The following TOX2 variants were observed in gnomAD, a reference collection of about 807,000 sequenced individuals.
The protein encoded by TOX2 is TOX high mobility group box family member 2.
In TOX2, 15 loss-of-function variants were observed where a neutral mutation model predicts 47.4. The ratio of observed to expected loss-of-function variants is 0.32; its 90% CI spans 0.21 to 0.49. TOX2 has a LOEUF of 0.49. TOX2 is among the 20% of genes least tolerant of loss of function. TOX2 has a pLI of 0.99. For missense variants in TOX2, 622 were observed against 673.1 expected, an observed-to-expected ratio of 0.92 and a Z score of 0.84; for synonymous variants, 290 against 296.6, an observed-to-expected ratio of 0.98 and a Z score of 0.23.
intron 3 of TOX2, among the ~76,000 whole-genome samples, chr20:44,015,101 G>A (rs112514937): frequency 3.8e-4 from 58 of 152,094 alleles, no homozygotes; most frequent in Non-Finnish European, 6.6e-4. Context: ...TTTGTCTAAC[G>A]TCCCTCTGGG....
chr20:43,942,053 C>T lies in TOX2; in HGVS notation c.99+27063C>T, dbSNP rs569702605. Among the ~76,000 whole-genome samples, 37 of 152,330 alleles carry T rather than the reference C, an allele frequency of 2.4e-4. 1 individual carries two copies. The South Asian group carries it at 7.7e-3, about 32-fold the overall frequency. Reference sequence around the variant, plus strand: ...GAAGTTGACTCCTTGCTGTGAGCCTCAACTTCCTCATCTGTAAAAGGGGAA... The same window carrying T: ...GAAGTTGACTCCTTGCTGTGAGCCTTAACTTCCTCATCTGTAAAAGGGGAA... On this transcript the variant is annotated intron_variant, in intron 1 of 8. Transcript: ENST00000341197.
chr20:44,044,422 TA>T (rs3037502), intron 3 of TOX2, among the ~76,000 whole-genome samples: 93,808 of 143,402 alleles, frequency 0.65, 30,243 homozygotes, highest in East Asian at 0.8. Flanking sequence ...ACTTAAAGCA[TA>T]AAAAAAAAAA....
At chr20:44,007,768 A>T (rs181561795) in intron 3 of TOX2, among the ~76,000 whole-genome samples, 18 of 152,210 alleles carry the variant, frequency 1.2e-4, no homozygotes, top group African/African-American at 4.1e-4. Flanking sequence ...CAAGCCCGGG[A>T]GGTCAAGGCT....
chr20:44,020,449 C>T (rs1381570935), intron 3 of TOX2, among the ~76,000 whole-genome samples: 2 of 152,092 alleles, frequency 1.3e-5, no homozygotes, highest in Admixed American at 6.5e-5. Context: ...ACATATAACC[C>T]GGAACTTAAA....
At chr20:43,975,589 T>G (rs2070061504) in intron 2 of TOX2, among the ~76,000 whole-genome samples, 1 of 152,284 alleles carries the variant, frequency 6.6e-6, no homozygotes, top group South Asian at 2.1e-4. Context: ...GTCCACTGAC[T>G]TGCCTCAGCC....
chr20:43,946,196 A>C (rs1359088075), intron 1 of TOX2, among the ~76,000 whole-genome samples: 1 of 152,232 alleles, frequency 6.6e-6, no homozygotes, highest in African/African-American at 2.4e-5. Context: ...GGAGGCCTGC[A>C]GTTGGCAGCT....
At chr20:43,983,651 T>C (rs1600707351) in intron 2 of TOX2, among the ~76,000 whole-genome samples, 1 of 152,048 alleles carries the variant, frequency 6.6e-6, no homozygotes, top group African/African-American at 2.4e-5. Flanking sequence ...TCTGAACCTG[T>C]TTCCTCATGT....
intron 2 of TOX2, among the ~76,000 whole-genome samples, chr20:43,984,030 T>C (rs2070217670): frequency 6.6e-6 from 1 of 152,236 alleles, no homozygotes; most frequent in Non-Finnish European, 1.5e-5. Flanking sequence ...AGGCTTTTAT[T>C]GCTTTAATTA....
At position 43,923,513 on chromosome 20, in the gene TOX2, C is replaced by T. The variant is rs375719855; in HGVS notation, c.99+8523C>T. Among the ~76,000 whole-genome samples, 61 of 152,114 alleles carry T rather than the reference C, an allele frequency of 4.0e-4. 3 individuals carry two copies. In the South Asian group the frequency reaches 8.1e-3, roughly 20 times the overall value. ...CTGAAAGTTAGCACTACTAGCAAGT[C>T]GATGGTGCTGATGGTGCCAGTCTGG... On this transcript the variant is annotated intron_variant, in intron 1 of 8. Transcript: ENST00000341197.
intron 3 of TOX2, among the ~76,000 whole-genome samples, chr20:44,026,769 T>C (rs960610955): frequency 1.3e-5 from 2 of 152,126 alleles, no homozygotes; most frequent in Admixed American, 1.3e-4. Context: ...AGTCCTTCTG[T>C]GCCTCAGGTC....
rs1456778865 is a variant in TOX2, at chr20:44,027,287, TGTTCAGC to T, written c.411+20502_411+20508del. Among the ~76,000 whole-genome samples the T allele has an allele frequency of 2.6e-5, 4 of 151,344 alleles. 1 individual carries two copies. The highest frequency in any genetic ancestry group is 4.4e-5 in the Non-Finnish European group (3 of 67,832). On this transcript the variant is annotated intron_variant, in intron 3 of 8. Coordinates refer to ENST00000341197, the MANE Select transcript of TOX2 (RefSeq NM_001098797.2). ...ACATGTGCCAATTCAGAATGGAGAATGTTCAGCGTTCAGGGGAGGGGGTGGGTCACCC... is the reference window on the plus strand; with the variant it reads ...ACATGTGCCAATTCAGAATGGAGAATGTTCAGGGGAGGGGGTGGGTCACCC...
intron 1 of TOX2, among the ~76,000 whole-genome samples, chr20:43,969,246 A>G (rs1327298321): frequency 3.9e-5 from 6 of 152,228 alleles, no homozygotes. Flanking sequence ...GCTGTGCTGC[A>G]TGACCTGGGT....
chr20:44,047,020 AG>A lies in TOX2; in HGVS notation c.412-4284del, dbSNP rs141518370. Reference sequence around the variant, plus strand: ...TCATGGTCTCTGATCTTGATAACAAAGGATACATTAAATAAAAACACTCTTC... The same window carrying A: ...TCATGGTCTCTGATCTTGATAACAAAGATACATTAAATAAAAACACTCTTC... On this transcript the variant is annotated intron_variant, in intron 3 of 8. Transcript: ENST00000341197. Among the ~76,000 whole-genome samples, 636 of 152,364 alleles carry A rather than the reference AG, an allele frequency of 4.2e-3. 3 individuals carry two copies. Among genetic ancestry groups the A allele is most frequent in the African/African-American group, 0.014 (600 of 41,582 alleles).
chr20:43,921,180 A>G (rs1218944597), intron 1 of TOX2, among the ~76,000 whole-genome samples: 1 of 152,190 alleles, frequency 6.6e-6, no homozygotes, highest in Non-Finnish European at 1.5e-5. Context: ...AGCCTGGCAC[A>G]CAGAGCAGCC....
intron 1 of TOX2, among the ~76,000 whole-genome samples, chr20:43,950,964 G>T (rs1433735429): frequency 2.6e-5 from 4 of 151,870 alleles, no homozygotes; most frequent in Non-Finnish European, 5.9e-5. Context: ...ATCAGAAGAG[G>T]TTCAGGCTAG....
At chr20:43,951,707 G>GTTTTTTTTTTTGTTTTT (rs2069572061) in intron 1 of TOX2, among the ~76,000 whole-genome samples, 2 of 55,094 alleles carry the variant, frequency 3.6e-5, no homozygotes, top group East Asian at 1.1e-3. Flanking sequence ...AACTTATTAT[G>GTTTTTTTTTTTGTTTTT]TTTTTTTTTT....
At chr20:44,033,392 C>A (rs953594965) in intron 3 of TOX2, among the ~76,000 whole-genome samples, 1 of 152,132 alleles carries the variant, frequency 6.6e-6, no homozygotes, top group Non-Finnish European at 1.5e-5. Flanking sequence ...CTGCAGTAAA[C>A]TGAATCATGC....
intron 3 of TOX2, among the ~76,000 whole-genome samples, chr20:44,036,224 C>A (rs114682185): frequency 6.6e-6 from 1 of 152,218 alleles, no homozygotes; most frequent in African/African-American, 2.4e-5. Flanking sequence ...GAGGCTACAA[C>A]GCAAGGTTAG....
At position 44,020,733 on chromosome 20, in the gene TOX2, G is replaced by C. The variant is rs145272256; in HGVS notation, c.411+13941G>C. Among the ~76,000 whole-genome samples the C allele has an allele frequency of 1.2e-4, 19 of 152,298 alleles. No individual in the cohort carries two copies. The East Asian group carries it at 1.7e-3, about 14-fold the overall frequency. ...GGCCCAGCAGCCCATGCCTAACCAC[G>C]CCTCCAGGGGCTTCTAATGCCAGCC... On this transcript the variant is annotated intron_variant, in intron 3 of 8. Transcript: ENST00000341197.
Sources: gnomAD v4.1 joint callset for allele counts (sites outside exome capture counted in the v4.1 genomes callset) on GRCh38, gnomAD v4.1.1 for gene constraint, MANE v1.5 for transcripts, NCBI Gene and HGNC (gene_info 2026-07-23, HGNC 2026-07-21) for gene names.